Variants in WDR62 observed in about 807,000 individuals in gnomAD.
The protein encoded by WDR62 is WD repeat-containing protein 62.
A neutral mutation model predicts 160.6 loss-of-function variants in WDR62; 112 were observed. The ratio of observed to expected loss-of-function variants is 0.70; its 90% CI spans 0.60 to 0.82. WDR62 has a LOEUF of 0.82. WDR62 is among the 40% of genes least tolerant of loss of function. The probability of loss-of-function intolerance (pLI) is 0.00; values close to 1 mark genes in which losing one functional copy is unlikely to be tolerated. For synonymous variants in WDR62, 792 were observed against 815.1 expected, an observed-to-expected ratio of 0.97 and a Z score of 0.48; for missense variants, 1,819 against 1,983.8, an observed-to-expected ratio of 0.92 and a Z score of 1.58.
intron 9 of WDR62, among the ~76,000 whole-genome samples, chr19:36,080,958 T>C (rs1971860122): frequency 1.3e-5 from 2 of 152,194 alleles, no homozygotes; most frequent in African/African-American, 4.8e-5. Flanking sequence ...GTTTTTGGTT[T>C]GTCTGTCTGT....
At chr19:36,059,926 A>G (rs1041011074) in intron 2 of WDR62, 42 bp from the exon 3 acceptor site, 8 of 1,609,762 alleles carry the variant, frequency 5.0e-6, no homozygotes, top group South Asian at 1.1e-5. Flanking sequence ...CAGGACCCCA[A>G]CACTCCCCAC....
At chr19:36,102,648 G>T in intron 26 of WDR62, 89 bp from the exon 27 acceptor site, 1 of 1,140,270 alleles carries the variant, frequency 8.8e-7, no homozygotes, top group Non-Finnish European at 1.3e-6. Context: ...AGGGTTTCTG[G>T]GGAGTGCCCC....
intron 3 of WDR62, among the ~76,000 whole-genome samples, chr19:36,065,709 A>G (rs1023388546): frequency 5.3e-5 from 8 of 152,194 alleles, no homozygotes; most frequent in Non-Finnish European, 7.3e-5. Context: ...GTCCGCATAC[A>G]GTGTCTACTC....
chr19:36,067,329 C>T lies in WDR62; in HGVS notation c.585C>T (p.Asn195=). ...AGAAAGACATCGTAGTGGCCTCCAA[C>T]AAGGTATCTTGTAGAGTCATTGCCC... ...DWKKDIVVAS[N]KVSCRVIALS... Residue 195 remains asparagine, a synonymous_variant, in exon 6 of 32, where the codon AAC becomes AAT. Coordinates refer to ENST00000401500, the MANE Select transcript of WDR62 (RefSeq NM_001083961.2). 6.2e-7 allele frequency: 1 copy of T among 1,614,204 alleles called. No individual in the cohort carries two copies. Among genetic ancestry groups the T allele is most frequent in the East Asian group, 2.2e-5 (1 of 44,884 alleles).
At chr19:36,098,890 A>G (rs2145841505) in intron 21 of WDR62, among the ~76,000 whole-genome samples, 1 of 152,328 alleles carries the variant, frequency 6.6e-6, no homozygotes, top group East Asian at 1.9e-4. Context: ...GTTTGAGACC[A>G]GCCTGAGCAA....
At chr19:36,106,775 C>A (rs548424480), downstream of WDR62, among the ~76,000 whole-genome samples, 3 of 152,326 alleles carry the variant, frequency 2.0e-5, no homozygotes, top group African/African-American at 7.2e-5. Context: ...CATTTAAGTC[C>A]AAGGAATATC....
chr19:36,089,752 G>T (rs111457602), intron 15 of WDR62, among the ~76,000 whole-genome samples: 3 of 152,160 alleles, frequency 2.0e-5, no homozygotes, highest in Admixed American at 6.5e-5. Context: ...CCACCAGCAG[G>T]TATTTCTTAG....
downstream of WDR62, among the ~76,000 whole-genome samples, chr19:36,105,292 A>T (rs965619437): frequency 6.6e-6 from 1 of 152,120 alleles, no homozygotes; most frequent in Admixed American, 6.6e-5. Context: ...CTGCCCACAG[A>T]GCTGCCACAG....
chr19:36,106,348 GAC>G (rs1973711542), downstream of WDR62, among the ~76,000 whole-genome samples: 1 of 130,972 alleles, frequency 7.6e-6, no homozygotes, highest in South Asian at 2.4e-4. Flanking sequence ...CAGCCTGGGT[GAC>G]ACAGCAAGTC....
chr19:36,059,840 G>GGGAGGA, intron 2 of WDR62, 128 bp from the exon 3 acceptor site: 3 of 913,756 alleles, frequency 3.3e-6, no homozygotes, highest in Non-Finnish European at 5.5e-6. Flanking sequence ...CTGGAGGAGG[G>GGGAGGA]GGAGGAGGAG....
chr19:36,089,431 C>T, intron 15 of WDR62, 125 bp downstream of exon 15: 1 of 1,521,370 alleles, frequency 6.6e-7, no homozygotes, highest in Non-Finnish European at 9.1e-7. Context: ...GCAGGTGTTC[C>T]TTCTTGGTTT....
intron 7 of WDR62, among the ~76,000 whole-genome samples, chr19:36,069,736 C>G (rs932156523): frequency 2.2e-4 from 34 of 152,272 alleles, no homozygotes; most frequent in Non-Finnish European, 3.5e-4. Flanking sequence ...CGTCTGCAAT[C>G]CCGGCACCTC....
chr19:36,103,782 C>T lies in WDR62; in HGVS notation c.3954C>T (p.Gly1318=), dbSNP rs773442664. Residue 1318 remains glycine, a synonymous_variant, in exon 30 of 32, where the codon GGC becomes GGT. Coordinates refer to ENST00000401500, the MANE Select transcript of WDR62 (RefSeq NM_001083961.2). The part of the protein sequence containing the change: ...LLQPPVDTQP[G]VTVPAVSFPA... Reference sequence around the variant, plus strand: ...AGCCCCCCGTGGATACCCAGCCTGGCGTCACCGTCCCTGCAGTGAGCTTCC... The same window carrying T: ...AGCCCCCCGTGGATACCCAGCCTGGTGTCACCGTCCCTGCAGTGAGCTTCC... 2.0e-5 allele frequency: 33 copies of T among 1,609,916 alleles called. No homozygotes were observed. Among genetic ancestry groups the T allele is most frequent in the Non-Finnish European group, 2.2e-5 (26 of 1,179,662 alleles).
chr19:36,077,646 G>A (rs900394516), intron 9 of WDR62, among the ~76,000 whole-genome samples: 1 of 147,146 alleles, frequency 6.8e-6, no homozygotes, highest in African/African-American at 2.5e-5. Context: ...ACCCAGACTG[G>A]AATACAGAGG....
At chr19:36,099,051 A>C (rs1383516349) in intron 21 of WDR62, among the ~76,000 whole-genome samples, 1 of 151,904 alleles carries the variant, frequency 6.6e-6, no homozygotes, top group African/African-American at 2.4e-5. Context: ...GCAAAACCCC[A>C]TCTCTACTAA....
At position 36,102,042 on chromosome 19, in the gene WDR62, G is replaced by A. The variant is rs745433508; in HGVS notation, c.3111G>A (p.Leu1037=). The A allele has an allele frequency of 1.4e-5, 23 of 1,614,032 alleles. No individual in the cohort carries two copies. Among genetic ancestry groups the A allele is most frequent in the Non-Finnish European group, 1.9e-5 (22 of 1,180,026 alleles). The change falls in exon 26 of 32, where the codon CTG becomes CTA. Residue 1037 remains leucine, a synonymous_variant. Coordinates refer to ENST00000401500, the MANE Select transcript of WDR62 (RefSeq NM_001083961.2). ...GCGCAGGTCCCACAGAAGATGAGCT[G>A]TCCCTGCCCGAGGGACCCAGCGTCC... ...PGCAGPTEDE[L]SLPEGPSVPS... is the part of the protein sequence containing the mutation.
intron 23 of WDR62, 58 bp downstream of exon 23, chr19:36,100,933 C>T: frequency 6.2e-7 from 1 of 1,612,250 alleles, no homozygotes; most frequent in South Asian, 1.1e-5. Flanking sequence ...CTGATAGCTG[C>T]ATCCTGGAAG....
downstream of WDR62, among the ~76,000 whole-genome samples, chr19:36,106,805 T>G (rs966433202): frequency 1.3e-5 from 2 of 152,216 alleles, no homozygotes; most frequent in African/African-American, 2.4e-5. Context: ...TTTTTGTTTT[T>G]GGGTTTGTTT....
At chr19:36,094,556 AAATAATAAT>A (rs146886399) in intron 20 of WDR62, among the ~76,000 whole-genome samples, 1 of 148,792 alleles carries the variant, frequency 6.7e-6, no homozygotes, top group East Asian at 2.0e-4. Flanking sequence ...TCCGTCTCAA[AAATAATAAT>A]AATAATAATA....
Sources: gnomAD v4.1 joint callset for allele counts (sites outside exome capture counted in the v4.1 genomes callset) on GRCh38, gnomAD v4.1.1 for gene constraint, MANE v1.5 for transcripts, NCBI Gene and HGNC (gene_info 2026-07-23, HGNC 2026-07-21) for gene names.